ANKRD46: variants seen among roughly 807,000 people sequenced by gnomAD.
ANKRD46 encodes ankyrin repeat domain 46.
Under a neutral mutation model 19.8 loss-of-function variants are expected in ANKRD46, and 13 were observed. That is an observed-to-expected ratio of 0.66 (90% CI 0.43 to 1.04). The LOEUF (loss-of-function observed/expected upper bound fraction) is 1.04. Ranked by LOEUF, ANKRD46 falls within the 50% of genes least tolerant of loss-of-function variation. ANKRD46 has a pLI of 0.00. For missense variants in ANKRD46, 185 were observed against 274.8 expected, an observed-to-expected ratio of 0.67 and a Z score of 2.31; for synonymous variants, 91 against 106.9, an observed-to-expected ratio of 0.85 and a Z score of 0.92.
intron 2 of ANKRD46, among the ~76,000 whole-genome samples, chr8:100,531,345 T>C (rs769720519): frequency 2.0e-5 from 3 of 152,216 alleles, no homozygotes; most frequent in Non-Finnish European, 2.9e-5. Context: ...TCTATTCTTG[T>C]GCCTAACCTC....
At chr8:100,556,345 GAAA>G (rs1812499472) in intron 1 of ANKRD46, among the ~76,000 whole-genome samples, 1 of 152,140 alleles carries the variant, frequency 6.6e-6, no homozygotes, top group Non-Finnish European at 1.5e-5. Context: ...TATGGGCTCT[GAAA>G]TGTACTACGT....
At chr8:100,552,415 C>G (rs533350418) in intron 1 of ANKRD46, among the ~76,000 whole-genome samples, 57 of 151,642 alleles carry the variant, frequency 3.8e-4, no homozygotes, top group Middle Eastern at 3.2e-3. Flanking sequence ...TTGCCAGGTG[C>G]CCAAACATGA....
rs543574887 is a variant in ANKRD46, at chr8:100,511,952, G to A, written c.637-1313C>T. On this transcript the variant is annotated intron_variant, in intron 5 of 5. Coordinates refer to the ANKRD46 transcript ENST00000520552. The surrounding 1 kb of genome is among the most constrained non-coding windows in gnomAD (Gnocchi z 4.1). ...AGTCAGAAGAATTGCTTGAACCCAG[G>A]TGGCGGAGGCTGCGGTGAGCCGAGA... Among the ~76,000 whole-genome samples the A allele has an allele frequency of 2.6e-4, 39 of 152,322 alleles. No homozygotes were observed. The highest frequency in any genetic ancestry group is 2.1e-4 in the South Asian group (1 of 4,826).
intron 1 of ANKRD46, among the ~76,000 whole-genome samples, chr8:100,553,156 C>A (rs1812427298): frequency 6.6e-6 from 1 of 152,086 alleles, no homozygotes; most frequent in Non-Finnish European, 1.5e-5. Flanking sequence ...AACCGAAAAA[C>A]AAGTTGAAAG....
At position 100,521,913 on chromosome 8, in the gene ANKRD46, A is replaced by C. The variant is rs1563924936; in HGVS notation, c.*642T>G. ...AAGCAAAGCAGTTTACAAAAAGATC[A>C]AAAATTATCCTAAAAACAAATAAAT... On this transcript the variant is annotated 3_prime_UTR_variant, in exon 5 of 5. Transcript: ENST00000335659. 1.0e-6 allele frequency: 1 copy of C among 983,890 alleles called. No homozygotes were observed. The allele number at this position is 983,890 out of a possible 1,614,324, so 60.9% of individuals were successfully genotyped here. A position where few individuals can be genotyped will look rare whatever the true frequency, so the allele number is the denominator to read the frequency against.
At chr8:100,513,098 T>A (rs771841141) in intron 5 of ANKRD46, among the ~76,000 whole-genome samples, 1 of 152,220 alleles carries the variant, frequency 6.6e-6, no homozygotes, top group Admixed American at 6.5e-5. Flanking sequence ...TTCCTCAACA[T>A]ATCAGAAATT....
intron 1 of ANKRD46, among the ~76,000 whole-genome samples, chr8:100,553,690 A>G (rs926753124): frequency 1.3e-5 from 2 of 152,218 alleles, no homozygotes; most frequent in Non-Finnish European, 2.9e-5. Context: ...CGGAAGCTAC[A>G]GTGAGCTGAG....
intron 1 of ANKRD46, among the ~76,000 whole-genome samples, chr8:100,556,348 A>C (rs1186131670): frequency 6.6e-6 from 1 of 152,190 alleles, no homozygotes; most frequent in African/African-American, 2.4e-5. Flanking sequence ...GGGCTCTGAA[A>C]TGTACTACGT....
chr8:100,543,313 TTCTCAA>T lies in ANKRD46; in HGVS notation c.-130-10008_-130-10003del, dbSNP rs1812211177. On this transcript the variant is annotated intron_variant, in intron 1 of 4. Coordinates refer to ENST00000335659, the MANE Select transcript of ANKRD46 (RefSeq NM_001270377.2). This position sits in a 1 kb window ranked among gnomAD's most constrained non-coding sequence, Gnocchi z 4.2. ...AACCTTATTTTCGTTTTAATTCTTATTCTCAATCTCAAAACCATTTAATATTTTGCG... is the reference window on the plus strand; with the variant it reads ...AACCTTATTTTCGTTTTAATTCTTATTCTCAAAACCATTTAATATTTTGCG... Among the ~76,000 whole-genome samples the T allele has an allele frequency of 6.6e-6, 1 of 152,238 alleles. No homozygotes were observed.
At chr8:100,528,816 G>A (rs1811897390) in intron 3 of ANKRD46, among the ~76,000 whole-genome samples, 1 of 152,046 alleles carries the variant, frequency 6.6e-6, no homozygotes, top group African/African-American at 2.4e-5. Flanking sequence ...GGGCATTATG[G>A]CATCAATAAA....
intron 5 of ANKRD46, among the ~76,000 whole-genome samples, chr8:100,515,661 A>AGGGGGGGGGGGGGGGGG (rs368942546): frequency 3.3e-5 from 2 of 59,938 alleles, no homozygotes; most frequent in Non-Finnish European, 6.9e-5. Flanking sequence ...GGTGCGGGGG[A>AGGGGGGGGGGGGGGGGG]GGGGGGGGGC....
chr8:100,557,263 G>C lies in ANKRD46; in HGVS notation c.-131+2448C>G, dbSNP rs748026959. 6.6e-6 allele frequency among the ~76,000 whole-genome samples: 1 copy of C among 152,158 alleles called. No homozygotes were observed. The highest frequency in any genetic ancestry group is 1.5e-5 in the Non-Finnish European group (1 of 68,034). On this transcript the variant is annotated intron_variant, in intron 1 of 4. Transcript: ENST00000335659. This position sits in a 1 kb window ranked among gnomAD's most constrained non-coding sequence, Gnocchi z 5.9. ...TTCACACTCAGTCTTCTCCATCTCA[G>C]TACACTGTTTAACTAAAGCCTTCCA... is the stretch of plus-strand genomic sequence containing the variant.
At chr8:100,526,378 G>A (rs904608439) in intron 4 of ANKRD46, among the ~76,000 whole-genome samples, 1 of 152,110 alleles carries the variant, frequency 6.6e-6, no homozygotes, top group African/African-American at 2.4e-5. Context: ...TGGTAAAGAA[G>A]CTTAAAGTAC....
intron 5 of ANKRD46, among the ~76,000 whole-genome samples, chr8:100,512,891 T>C (rs915957864): frequency 1.3e-5 from 2 of 152,142 alleles, no homozygotes; most frequent in East Asian, 3.8e-4. Flanking sequence ...AAACCTGAGA[T>C]TGGCTGGTTC....
Position 100,524,579 on chromosome 8 carries a change from C to T in ANKRD46, c.471-1808G>A, listed in dbSNP as rs188929814. Among the ~76,000 whole-genome samples the T allele has an allele frequency of 6.6e-6, 1 of 151,844 alleles. No individual in the cohort carries two copies. The highest frequency in any genetic ancestry group is 2.4e-5 in the African/African-American group (1 of 41,288). On this transcript the variant is annotated intron_variant, in intron 4 of 4. Transcript: ENST00000335659. This position sits in a 1 kb window ranked among gnomAD's most constrained non-coding sequence, Gnocchi z 4.3. ...TGTTTTCAGTGGGAATCTACAACAC[C>T]ACAGTAATTTTGGAACACTTGACAG...
In ANKRD46 at chr8:100,550,868, G is replaced by A; in HGVS notation, c.-131+8843C>T. ...TGGAAGAGTGAGTGTCACTGTTAAA[G>A]TCAGAGGAAACAACCTGGTGTTCAG... On this transcript the variant is annotated intron_variant, in intron 1 of 4. Transcript: ENST00000335659. The surrounding 1 kb of genome is among the most constrained non-coding windows in gnomAD (Gnocchi z 4.4). 1 of 512,806 alleles carries A rather than the reference G, an allele frequency of 2.0e-6. No homozygotes were observed. Among genetic ancestry groups the A allele is most frequent in the Non-Finnish European group, 3.7e-6 (1 of 270,188 alleles). The allele number at this position is 512,806 out of a possible 1,614,324, so 31.8% of individuals were successfully genotyped here. A position where few individuals can be genotyped will look rare whatever the true frequency, so the allele number is the denominator to read the frequency against.
chr8:100,551,184 G>C (rs2130704266), intron 1 of ANKRD46: 1 of 440,858 alleles, frequency 2.3e-6, no homozygotes, highest in Admixed American at 3.1e-5. Flanking sequence ...TGGCAGCATG[G>C]ATTGTGGTCA....
At position 100,525,337 on chromosome 8, in the gene ANKRD46, C is replaced by T. The variant is rs1811822185; in HGVS notation, c.470+2508G>A. ...TTCATATATTCCCCAAATTGTACAA[C>T]CATCTCTTCTAATTCCAGTACACTT... On this transcript the variant is annotated intron_variant, in intron 4 of 4. Transcript: ENST00000335659. This position sits in a 1 kb window ranked among gnomAD's most constrained non-coding sequence, Gnocchi z 4.4. Among the ~76,000 whole-genome samples, 1 of 152,154 alleles carries T rather than the reference C, an allele frequency of 6.6e-6. No individual in the cohort carries two copies. The highest frequency in any genetic ancestry group is 1.5e-5 in the Non-Finnish European group (1 of 68,028).
Position 100,522,610 on chromosome 8 carries a change from T to G in ANKRD46, c.632A>C (p.Tyr211Ser). ...VIALLSLGIA[Y>S]YVSGVLPFVE... ...GAAGGGTAGCACCCCACTCACATAA[T>G]AAGCAATGCCAAGAGACAGCAAAGC... The change falls in exon 5 of 5, where the codon TAT becomes TCT. Residue 211 changes from tyrosine (Y) to serine (S), a missense_variant. Physicochemically the swap from Tyr to Ser is moderately radical, Grantham distance 144 (BLOSUM62 -2). Coordinates refer to ENST00000335659, the MANE Select transcript of ANKRD46 (RefSeq NM_001270377.2). 1 of 1,613,946 alleles carries G rather than the reference T, an allele frequency of 6.2e-7. No homozygotes were observed. Among genetic ancestry groups the G allele is most frequent in the Non-Finnish European group, 8.5e-7 (1 of 1,179,988 alleles).
Sources: gnomAD v4.1 joint callset for allele counts (sites outside exome capture counted in the v4.1 genomes callset) on GRCh38, gnomAD v4.1.1 for gene constraint, Gnocchi (gnomAD v3.1) non-coding constraint, MANE v1.5 for transcripts, NCBI Gene and HGNC (gene_info 2026-07-23, HGNC 2026-07-21) for gene names.